Variants in BCL2 observed in about 807,000 individuals in gnomAD.
BCL2 encodes the protein apoptosis regulator Bcl-2.
Under a neutral mutation model 14.2 loss-of-function variants are expected in BCL2, and 1 was observed. The ratio of observed to expected loss-of-function variants is 0.07; its 90% confidence interval spans 0.02 to 0.33. BCL2 has a LOEUF of 0.33. BCL2 is among the 10% of genes least tolerant of loss of function. The pLI, the probability that BCL2 is intolerant of heterozygous loss-of-function variation, is 0.99. For synonymous variants in BCL2, 151 were observed against 137.2 expected (o/e 1.10, Z -0.70); for missense variants, 247 against 305.9 (o/e 0.81, Z 1.44).
Position 63,124,040 on chromosome 18 carries a change from A to C in BCL2, c.*4585T>G. 1 of 221,772 alleles carries C rather than the reference A, an allele frequency of 4.5e-6. No individual in the cohort carries two copies. Among genetic ancestry groups the C allele is most frequent in the East Asian group, 6.5e-5 (1 of 15,292 alleles). 13.7% of individuals were successfully genotyped at this position (221,772 alleles called of 1,614,324 possible). A position where few individuals can be genotyped will look rare whatever the true frequency, so the allele number is the denominator to read the frequency against. Reference sequence around the variant, plus strand: ...TTGCTTGAAGTTATTTTTCTGGGGCAGTCCAGATGAACCGGTACAGTACCA... The same window carrying C: ...TTGCTTGAAGTTATTTTTCTGGGGCCGTCCAGATGAACCGGTACAGTACCA... On this transcript the variant is annotated 3_prime_UTR_variant, in exon 3 of 3. Transcript: ENST00000333681.
At chr18:63,169,803 G>A (rs1915180020) in intron 2 of BCL2, among the ~76,000 whole-genome samples, 1 of 152,130 alleles carries the variant, frequency 6.6e-6, no homozygotes, top group Non-Finnish European at 1.5e-5. Context: ...GATTACAGGT[G>A]TGAGCCACCG....
At chr18:63,159,869 G>A (rs1486376803) in intron 2 of BCL2, among the ~76,000 whole-genome samples, 5 of 152,194 alleles carry the variant, frequency 3.3e-5, no homozygotes, top group African/African-American at 7.2e-5. Flanking sequence ...CCACGCGTAC[G>A]CATTTCTTAG....
chr18:63,139,287 C>T (rs1304309685), intron 2 of BCL2, among the ~76,000 whole-genome samples: 4 of 152,122 alleles, frequency 2.6e-5, no homozygotes, highest in Non-Finnish European at 4.4e-5. Flanking sequence ...GCAAAAAGTG[C>T]TAAAAATATG....
intron 2 of BCL2, among the ~76,000 whole-genome samples, chr18:63,160,549 TC>T (rs1275483431): frequency 1.4e-4 from 21 of 152,218 alleles, no homozygotes; most frequent in African/African-American, 4.6e-4. Flanking sequence ...AAATTCTGTT[TC>T]AACACCGAGA....
chr18:63,244,054 T>C (rs1911086851), intron 2 of BCL2, among the ~76,000 whole-genome samples: 1 of 151,996 alleles, frequency 6.6e-6, no homozygotes, highest in South Asian at 2.1e-4. Flanking sequence ...GACCAGCCTG[T>C]CCAACATAGT....
intron 2 of BCL2, among the ~76,000 whole-genome samples, chr18:63,306,710 C>T (rs1913146345): frequency 6.6e-6 from 1 of 152,224 alleles, no homozygotes; most frequent in Non-Finnish European, 1.5e-5. Flanking sequence ...TAGCTTTAAA[C>T]ATGCTCTCCT....
chr18:63,202,126 T>TG (rs1454452245), intron 2 of BCL2, among the ~76,000 whole-genome samples: 1 of 152,048 alleles, frequency 6.6e-6, no homozygotes, highest in Non-Finnish European at 1.5e-5. Flanking sequence ...CTGGCGAACA[T>TG]GGTGAAACCC....
At chr18:63,178,635 C>T (rs890615744) in intron 2 of BCL2, among the ~76,000 whole-genome samples, 3 of 152,194 alleles carry the variant, frequency 2.0e-5, no homozygotes, top group Admixed American at 2.0e-4. Context: ...TTTGAGGAGC[C>T]CCAGACTCAC....
chr18:63,228,989 C>G (rs998871461), intron 2 of BCL2, among the ~76,000 whole-genome samples: 1 of 152,244 alleles, frequency 6.6e-6, no homozygotes, highest in Admixed American at 6.5e-5. Flanking sequence ...GGATTACAGG[C>G]ATGAGCCACC....
chr18:63,304,966 C>A (rs1489636955), intron 2 of BCL2, among the ~76,000 whole-genome samples: 1 of 152,208 alleles, frequency 6.6e-6, no homozygotes, highest in Admixed American at 6.5e-5. Flanking sequence ...TTCCAATTGG[C>A]CCCTGTTGAA....
chr18:63,268,268 GCTCA>G (rs1290089943), intron 2 of BCL2, among the ~76,000 whole-genome samples: 2 of 152,170 alleles, frequency 1.3e-5, no homozygotes, highest in African/African-American at 2.4e-5. Flanking sequence ...TTTCTCTTGT[GCTCA>G]CTGTCTTCAG....
intron 2 of BCL2, among the ~76,000 whole-genome samples, chr18:63,246,498 C>A (rs1385666720): frequency 1.3e-5 from 2 of 152,096 alleles, no homozygotes; most frequent in Non-Finnish European, 2.9e-5. Flanking sequence ...TGCAGGCAAA[C>A]TCCCCTTTAT....
At chr18:63,206,355 G>A (rs568655218) in intron 2 of BCL2, among the ~76,000 whole-genome samples, 5 of 152,352 alleles carry the variant, frequency 3.3e-5, no homozygotes, top group African/African-American at 7.2e-5. Context: ...AAGTGCACAC[G>A]CTTGTCTCAA....
intron 2 of BCL2, among the ~76,000 whole-genome samples, chr18:63,184,002 G>T (rs1019040541): frequency 6.6e-6 from 1 of 152,168 alleles, no homozygotes; most frequent in Non-Finnish European, 1.5e-5. Context: ...TGGCACAGAC[G>T]CATGACAGAG....
chr18:63,195,320 G>C (rs563236798), intron 2 of BCL2, among the ~76,000 whole-genome samples: 2 of 152,318 alleles, frequency 1.3e-5, no homozygotes, highest in Admixed American at 6.5e-5. Context: ...CTGGACTGTG[G>C]CGGCCCTGGC....
intron 2 of BCL2, among the ~76,000 whole-genome samples, chr18:63,256,145 T>C (rs901664400): frequency 1.3e-5 from 2 of 152,216 alleles, no homozygotes; most frequent in African/African-American, 2.4e-5. Flanking sequence ...TGTGCATTGG[T>C]TGAATGCTTA....
chr18:63,272,104 A>G (rs1290679186), intron 2 of BCL2, among the ~76,000 whole-genome samples: 1 of 152,234 alleles, frequency 6.6e-6, no homozygotes. Context: ...ACCCTCAGCA[A>G]AGAACCAGTG....
intron 2 of BCL2, among the ~76,000 whole-genome samples, chr18:63,170,546 G>A (rs1249425877): frequency 1.3e-5 from 2 of 152,066 alleles, no homozygotes; most frequent in East Asian, 1.9e-4. Flanking sequence ...CCAACCCCAG[G>A]TCAGAGAAAG....
chr18:63,194,780 A>G (rs1393940072), intron 2 of BCL2, among the ~76,000 whole-genome samples: 1 of 152,258 alleles, frequency 6.6e-6, no homozygotes, highest in African/African-American at 2.4e-5. Flanking sequence ...TAAACAAAGC[A>G]TTAATGGGAA....
Sources: allele counts gnomAD v4.1 joint callset (sites outside exome capture counted in the v4.1 genomes callset), GRCh38; gene constraint gnomAD v4.1.1; transcripts MANE v1.5; gene names NCBI Gene and HGNC (gene_info 2026-07-23, HGNC 2026-07-21).